PAPSS1: variants seen among roughly 807,000 people sequenced by gnomAD.
PAPSS1 encodes the protein bifunctional 3'-phosphoadenosine 5'-phosphosulfate synthase 1.
PAPSS1 carries 50 observed loss-of-function variants against 72.0 expected under a neutral mutation model. The observed-to-expected ratio is 0.69, with a 90% CI of 0.55 to 0.88. The LOEUF (loss-of-function observed/expected upper bound fraction) is 0.88, where lower values mean the gene tolerates loss of function less well. Among genes scored for constraint, PAPSS1 ranks in the 40% least tolerant of loss-of-function variants. PAPSS1 has a pLI of 0.00. For missense variants in PAPSS1, 657 were observed against 782.2 expected (o/e 0.84, Z 1.91); for synonymous variants, 261 against 263.6 (o/e 0.99, Z 0.09).
chr4:107,690,087 T>G (rs1486754332), intron 3 of PAPSS1, among the ~76,000 whole-genome samples: 1 of 152,176 alleles, frequency 6.6e-6, no homozygotes, highest in Non-Finnish European at 1.5e-5. Context: ...GCAAGCCTCC[T>G]GGCTAGTCTC....
chr4:107,640,784 C>T (rs1726517295), intron 10 of PAPSS1, among the ~76,000 whole-genome samples: 1 of 152,086 alleles, frequency 6.6e-6, no homozygotes, highest in African/African-American at 2.4e-5. Flanking sequence ...GTTAAAAAAC[C>T]GCCTTTTGCT....
rs748701309 is a variant in PAPSS1 at position 107,631,612 on chromosome 4, CA to C, written c.1736+18del. 3.5e-5 allele frequency: 55 copies of C among 1,552,650 alleles called. No individual in the cohort carries two copies. The Admixed American group carries it at 9.3e-4, about 26-fold the overall frequency. The stretch of plus-strand genomic sequence containing the variant: ...CCACGAAGTACTTCAAAGATTTGTA[CA>C]GAGAATGTAAGACTTACTGTTCAGA... On this transcript the variant is annotated intron_variant, in intron 11 of 11. Transcript: ENST00000265174.
At chr4:107,715,317 T>C (rs892683634) in intron 1 of PAPSS1, among the ~76,000 whole-genome samples, 3 of 152,210 alleles carry the variant, frequency 2.0e-5, no homozygotes, top group Admixed American at 1.3e-4. Flanking sequence ...AAGCTTCCCT[T>C]TTCATCAGGC....
chr4:107,649,022 A>G (rs1357372409), intron 9 of PAPSS1, among the ~76,000 whole-genome samples: 1 of 152,232 alleles, frequency 6.6e-6, no homozygotes, highest in East Asian at 1.9e-4. Flanking sequence ...TCATGACTAA[A>G]AACACTTCCA....
intron 11 of PAPSS1, among the ~76,000 whole-genome samples, chr4:107,623,099 C>A (rs1179666171): frequency 1.3e-5 from 2 of 152,172 alleles, no homozygotes; most frequent in African/African-American, 4.8e-5. Flanking sequence ...TACACACTGA[C>A]CTCCCTGTCT....
rs1212721695 is a variant in PAPSS1, at chr4:107,640,186, C to T, written c.1506+4616G>A. On this transcript the variant is annotated intron_variant, in intron 10 of 11. Transcript: ENST00000265174. The stretch of plus-strand genomic sequence containing the variant: ...GAGATGAGACAAATAGAATTTCCTA[C>T]ATAGTCAATTAATACCTCACAAAGA... Among the ~76,000 whole-genome samples, 5 of 152,290 alleles carry T rather than the reference C, an allele frequency of 3.3e-5. No homozygotes were observed. In the East Asian group the frequency reaches 9.6e-4, roughly 29 times the overall value.
chr4:107,615,098 C>A (rs1003574058), intron 11 of PAPSS1, among the ~76,000 whole-genome samples: 2 of 147,772 alleles, frequency 1.4e-5, no homozygotes, highest in Admixed American at 1.3e-4. Flanking sequence ...TTTTTTTCTT[C>A]TGGAACAGCA....
intron 9 of PAPSS1, among the ~76,000 whole-genome samples, chr4:107,650,536 T>C (rs1560572343): frequency 6.6e-6 from 1 of 152,192 alleles, no homozygotes; most frequent in Non-Finnish European, 1.5e-5. Context: ...AATTCAAATT[T>C]TGGCAAAAAT....
rs563608914 is a variant in PAPSS1 at position 107,644,853 on chromosome 4, C to T, written c.1455G>A (p.Thr485=). 2.3e-5 allele frequency: 37 copies of T among 1,613,748 alleles called. No homozygotes were observed. The highest frequency in any genetic ancestry group is 4.0e-5 in the African/African-American group (3 of 75,032). ...VLEEGVLNPE[T]TVVAIFPSPM... ...GAGATGGGAAGATGGCCACCACTGT[C>T]GTCTCAGGATTCAGAACTCCTTCCT... Residue 485 remains threonine, a synonymous_variant, in exon 10 of 12, where the codon ACG becomes ACA. Transcript: ENST00000265174.
At chr4:107,637,977 C>A (rs960779052) in intron 10 of PAPSS1, among the ~76,000 whole-genome samples, 1 of 152,138 alleles carries the variant, frequency 6.6e-6, no homozygotes, top group African/African-American at 2.4e-5. Context: ...TGGCCTGCCT[C>A]TTGATTTTCC....
At chr4:107,625,403 G>A (rs1219034892) in intron 11 of PAPSS1, among the ~76,000 whole-genome samples, 2 of 152,170 alleles carry the variant, frequency 1.3e-5, no homozygotes, top group Non-Finnish European at 2.9e-5. Context: ...AGGCATGACA[G>A]GGATGCAACA....
chr4:107,683,307 A>G (rs1032925120), intron 4 of PAPSS1, among the ~76,000 whole-genome samples: 1 of 152,176 alleles, frequency 6.6e-6, no homozygotes, highest in Non-Finnish European at 1.5e-5. Flanking sequence ...AACTCAAGAA[A>G]AAATTTCTGC....
At chr4:107,624,665 A>C (rs1726048781) in intron 11 of PAPSS1, among the ~76,000 whole-genome samples, 1 of 152,202 alleles carries the variant, frequency 6.6e-6, no homozygotes, top group South Asian at 2.1e-4. Context: ...AATGCATACT[A>C]GAAGACAATA....
chr4:107,693,706 G>T, intron 3 of PAPSS1, 65 bp downstream of exon 3: 1 of 1,135,450 alleles, frequency 8.8e-7, no homozygotes, highest in Non-Finnish European at 1.3e-6. Context: ...TAAAGTATGT[G>T]CTTTGCCTGA....
At position 107,687,178 on chromosome 4, in the gene PAPSS1, C is replaced by A; in HGVS notation, c.412-1G>T. Reference sequence around the variant, plus strand: ...GAATTTGCCTTGCATTGTTGCGATCCTTAAAAAAAAATAAAATAAAAAGTG... The same window carrying A: ...GAATTTGCCTTGCATTGTTGCGATCATTAAAAAAAAATAAAATAAAAAGTG... On this transcript the variant is annotated splice_acceptor_variant, in intron 3 of 11. Transcript: ENST00000265174. LOFTEE classifies it high-confidence loss of function. 6.5e-7 allele frequency: 1 copy of A among 1,541,500 alleles called. No homozygotes were observed. Among genetic ancestry groups the A allele is most frequent in the Non-Finnish European group, 8.7e-7 (1 of 1,153,220 alleles).
At chr4:107,670,268 A>G (rs1170271832) in intron 5 of PAPSS1, among the ~76,000 whole-genome samples, 3 of 152,176 alleles carry the variant, frequency 2.0e-5, no homozygotes, top group African/African-American at 7.2e-5. Context: ...CAATCATCAG[A>G]TTGTCTAGCA....
chr4:107,643,640 T>C (rs760190447), intron 10 of PAPSS1, among the ~76,000 whole-genome samples: 2 of 152,094 alleles, frequency 1.3e-5, no homozygotes, highest in Non-Finnish European at 2.9e-5. Context: ...ATGATGTTAA[T>C]GTGAGGGTAC....
intron 4 of PAPSS1, among the ~76,000 whole-genome samples, chr4:107,684,682 A>C (rs1210227600): frequency 6.6e-6 from 1 of 152,138 alleles, no homozygotes; most frequent in African/African-American, 2.4e-5. Context: ...GTCAACCAGA[A>C]AACATTTAAA....
intron 1 of PAPSS1, among the ~76,000 whole-genome samples, chr4:107,709,721 G>A (rs1053191326): frequency 3.3e-5 from 5 of 152,148 alleles, no homozygotes; most frequent in Non-Finnish European, 7.3e-5. Context: ...AACCAGAAGT[G>A]TACTTAACAC....
Sources: allele counts gnomAD v4.1 joint callset (sites outside exome capture counted in the v4.1 genomes callset), GRCh38; gene constraint gnomAD v4.1.1; transcripts MANE v1.5; gene names NCBI Gene and HGNC (gene_info 2026-07-23, HGNC 2026-07-21).